Variants in CEP128 observed in about 807,000 individuals in gnomAD.
The protein encoded by CEP128 is centrosomal protein 128.
Under a neutral mutation model 156.7 loss-of-function variants are expected in CEP128, and 132 were observed. That is an observed-to-expected ratio of 0.84 (90% confidence interval 0.73 to 0.97). The LOEUF (loss-of-function observed/expected upper bound fraction) is 0.97, where lower values mean the gene tolerates loss of function less well. CEP128 is among the 50% of genes least tolerant of loss of function. CEP128 has a pLI of 0.00. For missense variants in CEP128, 1,252 were observed against 1,281.9 expected (o/e 0.98, Z 0.36); for synonymous variants, 469 against 448.9 (o/e 1.04, Z -0.57).
intron 13 of CEP128, among the ~76,000 whole-genome samples, chr14:80,807,115 G>T (rs987684055): frequency 8.6e-5 from 13 of 151,894 alleles, no homozygotes; most frequent in African/African-American, 3.1e-4. Context: ...GGAAAGGGGT[G>T]GCTTTGGGTG....
chr14:80,596,105 G>T (rs1451332279), intron 19 of CEP128, among the ~76,000 whole-genome samples: 1 of 143,424 alleles, frequency 7.0e-6, no homozygotes, highest in Non-Finnish European at 1.5e-5. Context: ...AACATAGACA[G>T]AAAAAAAGGC....
chr14:80,775,655 C>A (rs1900748634), intron 16 of CEP128, among the ~76,000 whole-genome samples: 1 of 152,172 alleles, frequency 6.6e-6, no homozygotes, highest in Non-Finnish European at 1.5e-5. Context: ...TCTGTCCTAT[C>A]CTCAACATCC....
intron 19 of CEP128, among the ~76,000 whole-genome samples, chr14:80,707,731 ATAAT>A (rs973194022): frequency 1.3e-5 from 2 of 152,216 alleles, no homozygotes; most frequent in Non-Finnish European, 2.9e-5. Flanking sequence ...TAATACCTAT[ATAAT>A]TAATCATTTG....
At chr14:80,907,376 T>C (rs1231951583) in intron 4 of CEP128, among the ~76,000 whole-genome samples, 2 of 152,116 alleles carry the variant, frequency 1.3e-5, no homozygotes, top group African/African-American at 4.8e-5. Context: ...AGCTATAAGA[T>C]GCAGCATCGG....
intron 8 of CEP128, among the ~76,000 whole-genome samples, chr14:80,876,313 T>C (rs557841431): frequency 4.0e-5 from 6 of 151,658 alleles, no homozygotes; most frequent in Non-Finnish European, 8.8e-5. Context: ...AAAAAAAGCA[T>C]CAGGCCGGGC....
At chr14:80,710,236 T>C (rs1481124710) in intron 19 of CEP128, among the ~76,000 whole-genome samples, 1 of 152,084 alleles carries the variant, frequency 6.6e-6, no homozygotes, top group African/African-American at 2.4e-5. Context: ...GTTGTTCACA[T>C]CTCCCTCACT....
upstream of CEP128, chr14:80,942,354 C>G (rs1037705143): frequency 6.6e-6 from 1 of 152,204 alleles, no homozygotes; most frequent in Non-Finnish European, 1.5e-5. Context: ...ACTGCTGCTA[C>G]TTCAGTCTAG....
In CEP128 at chr14:80,904,918, A is replaced by C. The variant is rs1221865784; in HGVS notation, c.375T>G (p.Phe125Leu). 6.3e-7 allele frequency: 1 copy of C among 1,579,010 alleles called. No homozygotes were observed. Among genetic ancestry groups the C allele is most frequent in the Non-Finnish European group, 8.7e-7 (1 of 1,148,042 alleles). Residue 125 changes from phenylalanine (F) to leucine (L), a missense_variant, in exon 6 of 25, where the codon TTT (phenylalanine) becomes TTG (leucine). Transcript: ENST00000555265. ...AGTCCTTGAGAGGTGAGGTAGGTGG[A>C]AAATGATGGAGCTCTTCACAAGTGA... is the stretch of plus-strand genomic sequence containing the variant. ...DGGTGSELHH[F>L]PPTSPLKDYG...
intron 13 of CEP128, among the ~76,000 whole-genome samples, chr14:80,826,014 G>A (rs1232508304): frequency 6.7e-6 from 1 of 150,006 alleles, no homozygotes; most frequent in Non-Finnish European, 1.5e-5. Context: ...GCTGAAGCAG[G>A]AGAATCACTT....
chr14:80,950,684 G>A (rs1330478048), intron 2 of CEP128, among the ~76,000 whole-genome samples: 2 of 152,062 alleles, frequency 1.3e-5, no homozygotes, highest in Non-Finnish European at 2.9e-5. Flanking sequence ...GCAATAATTG[G>A]AATGCTCAAG....
intron 19 of CEP128, among the ~76,000 whole-genome samples, chr14:80,689,362 A>G (rs1046831632): frequency 1.3e-5 from 2 of 151,750 alleles, no homozygotes; most frequent in African/African-American, 4.8e-5. Context: ...AAATAGGAGG[A>G]GATCAAGCTA....
At chr14:80,723,753 C>A (rs1897910621) in intron 19 of CEP128, among the ~76,000 whole-genome samples, 1 of 152,140 alleles carries the variant, frequency 6.6e-6, no homozygotes, top group Non-Finnish European at 1.5e-5. Context: ...GAGCAGGGTT[C>A]CTCAAAGCCT....
chr14:80,646,554 T>C (rs904939782), intron 19 of CEP128, among the ~76,000 whole-genome samples: 3 of 151,982 alleles, frequency 2.0e-5, no homozygotes, highest in Admixed American at 6.6e-5. Flanking sequence ...TGATAAATGA[T>C]TTGCCTAAAT....
intron 19 of CEP128, among the ~76,000 whole-genome samples, chr14:80,689,989 T>C (rs1405383823): frequency 6.6e-6 from 1 of 152,102 alleles, no homozygotes. Flanking sequence ...GTCCCTGCAA[T>C]ACTGGATATA....
chr14:80,678,047 A>ATATATATATATATACATATGT (rs1555390193), intron 19 of CEP128, among the ~76,000 whole-genome samples: 4 of 68,514 alleles, frequency 5.8e-5, no homozygotes, highest in African/African-American at 2.3e-4. Context: ...CTATAAAAAA[A>ATATATATATATATACATATGT]AAATATATAT....
chr14:80,714,291 C>T (rs956393055), intron 19 of CEP128, among the ~76,000 whole-genome samples: 1 of 151,878 alleles, frequency 6.6e-6, no homozygotes, highest in African/African-American at 2.4e-5. Context: ...ATCACCCATT[C>T]AAGGCAAAAC....
At chr14:80,710,063 GAGGATAT>G (rs1321468610) in intron 19 of CEP128, among the ~76,000 whole-genome samples, 8 of 151,234 alleles carry the variant, frequency 5.3e-5, no homozygotes, top group African/African-American at 1.9e-4. Context: ...TTGAGGATAT[GAGGATAT>G]GAGGATACAA....
At chr14:80,837,680 C>CCAAGATT in intron 11 of CEP128, among the ~76,000 whole-genome samples, 1 of 152,214 alleles carries the variant, frequency 6.6e-6, no homozygotes, top group Non-Finnish European at 1.5e-5. Flanking sequence ...TGCGCCACTG[C>CCAAGATT]ACTCCAGCCT....
Position 80,518,471 on chromosome 14 carries a change from T to C in CEP128, c.3072+8398A>G, listed in dbSNP as rs1264229467. Among the ~76,000 whole-genome samples, 4 of 152,176 alleles carry C rather than the reference T, an allele frequency of 2.6e-5. No individual in the cohort carries two copies. In the South Asian group the frequency reaches 8.3e-4, roughly 31 times the overall value. On this transcript the variant is annotated intron_variant, in intron 23 of 24. Transcript: ENST00000555265. ...TTGTTGGGGAAGTATTCTATAAACG[T>C]CAATTAAATTTACTTGGTTAATAGT...
Sources: allele counts gnomAD v4.1 joint callset (sites outside exome capture counted in the v4.1 genomes callset), GRCh38; gene constraint gnomAD v4.1.1; transcripts MANE v1.5; gene names NCBI Gene and HGNC (gene_info 2026-07-23, HGNC 2026-07-21).